The following PSME3IP1 variants were observed in gnomAD, a reference collection of about 807,000 sequenced individuals.
PSME3IP1 encodes the protein proteasome activator subunit 3 interacting protein 1.
In PSME3IP1, 13 loss-of-function variants were observed where a neutral mutation model predicts 34.1. That is an observed-to-expected ratio of 0.38 (90% CI 0.25 to 0.61). PSME3IP1 has a LOEUF of 0.61. Ranked by LOEUF, PSME3IP1 falls within the 20% of genes least tolerant of loss-of-function variation. The pLI, the probability that PSME3IP1 is intolerant of heterozygous loss-of-function variation, is 0.60. For missense variants in PSME3IP1, 237 were observed against 301.4 expected (o/e 0.79, Z 1.58); for synonymous variants, 93 against 114.3 (o/e 0.81, Z 1.19).
chr16:57,173,018 T>C (rs968816767), intron 2 of PSME3IP1, 144 bp from the exon 3 acceptor site: 2 of 609,974 alleles, frequency 3.3e-6, no homozygotes, highest in South Asian at 1.9e-5. Flanking sequence ...AACACAAAAA[T>C]AGTACAAAGT....
At chr16:57,163,887 G>A (rs2071553245) in intron 6 of PSME3IP1, 114 bp downstream of exon 6, 9 of 1,094,754 alleles carry the variant, frequency 8.2e-6, no homozygotes, top group Admixed American at 5.4e-5. Context: ...TTAAGCATAG[G>A]TAGGCTTGCT....
At chr16:57,165,830 T>C (rs778764574) in intron 5 of PSME3IP1, among the ~76,000 whole-genome samples, 60 of 152,144 alleles carry the variant, frequency 3.9e-4, no homozygotes, top group Non-Finnish European at 1.6e-4. Flanking sequence ...ACAGAGCCTT[T>C]TCTAAAGGTG....
intron 1 of PSME3IP1, chr16:57,174,330 G>T: frequency 2.0e-6 from 1 of 506,354 alleles, no homozygotes; most frequent in Non-Finnish European, 2.5e-6. Context: ...TTAATTTATA[G>T]GCCATTGATG....
At chr16:57,165,737 C>CT (rs1312704146) in intron 5 of PSME3IP1, among the ~76,000 whole-genome samples, 1 of 152,158 alleles carries the variant, frequency 6.6e-6, no homozygotes, top group Non-Finnish European at 1.5e-5. Context: ...CCCCAGGAGA[C>CT]TACCTTACTA....
chr16:57,163,135 A>G (rs1254235989), intron 6 of PSME3IP1, among the ~76,000 whole-genome samples: 1 of 152,190 alleles, frequency 6.6e-6, no homozygotes, highest in Non-Finnish European at 1.5e-5. Flanking sequence ...ACTGCACTCC[A>G]GCCTGGGTGA....
chr16:57,180,893 A>G (rs1597780509), intron 1 of PSME3IP1, among the ~76,000 whole-genome samples: 3 of 152,194 alleles, frequency 2.0e-5, no homozygotes, highest in Admixed American at 1.3e-4. Context: ...TCTCTCTACA[A>G]AAATATTTAA....
intron 6 of PSME3IP1, among the ~76,000 whole-genome samples, chr16:57,159,400 C>A (rs2070955314): frequency 6.6e-6 from 1 of 152,208 alleles, no homozygotes; most frequent in African/African-American, 2.4e-5. Context: ...CAAATTAACA[C>A]AGAAAATTAC....
At chr16:57,171,833 T>C (rs1277572216) in intron 4 of PSME3IP1, among the ~76,000 whole-genome samples, 2 of 152,238 alleles carry the variant, frequency 1.3e-5, no homozygotes, top group Admixed American at 6.5e-5. Context: ...AAGTCATCTT[T>C]GCTGCTTTCT....
At chr16:57,183,351 G>A (rs2073897314) in intron 1 of PSME3IP1, among the ~76,000 whole-genome samples, 1 of 150,514 alleles carries the variant, frequency 6.6e-6, no homozygotes, top group South Asian at 2.1e-4. Context: ...TTTTTTTTTT[G>A]AGATAGGGTC....
intron 1 of PSME3IP1, among the ~76,000 whole-genome samples, chr16:57,179,337 G>A (rs968244160): frequency 1.3e-5 from 2 of 152,110 alleles, no homozygotes; most frequent in African/African-American, 2.4e-5. Context: ...AATAAAGAAC[G>A]TGGTTTTCAA....
rs2074150132 is a variant in PSME3IP1 at position 57,186,015 on chromosome 16, G to A, written c.-210C>T. On this transcript the variant is annotated 5_prime_UTR_variant, in exon 1 of 7. Coordinates refer to ENST00000309137, the MANE Select transcript of PSME3IP1 (RefSeq NM_024946.4). ...TTTGTATTTCTTTTGACCCTTCAGGGCTTCCTGTTCCTCACCGCCACAATA... is the reference window on the plus strand; with the variant it reads ...TTTGTATTTCTTTTGACCCTTCAGGACTTCCTGTTCCTCACCGCCACAATA... 4.1e-6 allele frequency: 4 copies of A among 985,318 alleles called. No individual in the cohort carries two copies. Among genetic ancestry groups the A allele is most frequent in the Non-Finnish European group, 4.8e-6 (4 of 829,926 alleles). The allele number at this position is 985,318 out of a possible 1,614,324, so 61.0% of individuals were successfully genotyped here.
chr16:57,184,334 AG>A (rs2073975376), intron 1 of PSME3IP1, among the ~76,000 whole-genome samples: 1 of 152,246 alleles, frequency 6.6e-6, no homozygotes, highest in Non-Finnish European at 1.5e-5. Flanking sequence ...ACTAATCCAC[AG>A]ATTCAAGAAG....
intron 5 of PSME3IP1, 57 bp from the exon 6 acceptor site, chr16:57,164,122 G>A: frequency 6.6e-7 from 1 of 1,509,688 alleles, no homozygotes; most frequent in Non-Finnish European, 9.2e-7. Context: ...TCAAAGCTTA[G>A]GGAATCAGGA....
intron 1 of PSME3IP1, chr16:57,185,464 A>G (rs1157057902): frequency 1.0e-6 from 1 of 965,624 alleles, no homozygotes. Flanking sequence ...CAGACGCCGC[A>G]CATCCGAGTG....
rs2072703451 is a variant in PSME3IP1 at position 57,172,498 on chromosome 16, A to G, written c.227-126T>C. The G allele has an allele frequency of 2.8e-6, 3 of 1,055,522 alleles. No individual in the cohort carries two copies. In the Admixed American group the frequency reaches 8.0e-5, roughly 28 times the overall value. 65.4% of individuals were successfully genotyped at this position (1,055,522 alleles called of 1,614,324 possible). ...AAAAAAAAAAGAACTGGTAAATACC[A>G]TGGCGTTTGAATAGATAACAGGGCA... On this transcript the variant is annotated intron_variant, in intron 3 of 6. Coordinates refer to ENST00000309137, the MANE Select transcript of PSME3IP1 (RefSeq NM_024946.4).
rs1385275667 is a variant in PSME3IP1 at position 57,152,639 on chromosome 16, T to C, written c.*1651A>G. 6.6e-6 allele frequency: 1 copy of C among 152,634 alleles called. No individual in the cohort carries two copies. The highest frequency in any genetic ancestry group is 2.4e-5 in the African/African-American group (1 of 41,432). The allele number at this position is 152,634 out of a possible 1,614,324, so 9.5% of individuals were successfully genotyped here. On this transcript the variant is annotated 3_prime_UTR_variant, in exon 7 of 7. Transcript: ENST00000309137. ...TGTCCTGGCCTGCCTCCTGTAACAA[T>C]GTGAGGCTGTTTTGGGTACATGCTG...
chr16:57,175,966 T>C lies in PSME3IP1; in HGVS notation c.-15-2097A>G, dbSNP rs140262559. ...AGTTTAATGTAACAATAAGAGCGAA[T>C]TGTGAAAATTACTAGAAAGAAATGA... is the stretch of plus-strand genomic sequence containing the variant. On this transcript the variant is annotated intron_variant, in intron 1 of 6. Coordinates refer to ENST00000309137, the MANE Select transcript of PSME3IP1 (RefSeq NM_024946.4). Among the ~76,000 whole-genome samples, 7 of 152,326 alleles carry C rather than the reference T, an allele frequency of 4.6e-5. No homozygotes were observed. In the East Asian group the frequency reaches 9.6e-4, roughly 21 times the overall value.
intron 6 of PSME3IP1, among the ~76,000 whole-genome samples, chr16:57,162,310 T>A (rs1289217071): frequency 6.6e-6 from 1 of 152,224 alleles, no homozygotes; most frequent in Non-Finnish European, 1.5e-5. Context: ...TGATATAATG[T>A]CTGGAATTGT....
intron 6 of PSME3IP1, among the ~76,000 whole-genome samples, chr16:57,157,584 C>A (rs1274207837): frequency 6.6e-6 from 1 of 150,804 alleles, no homozygotes; most frequent in Non-Finnish European, 1.5e-5. Flanking sequence ...ACTCCACATT[C>A]TTTTGTCCCT....
Sources: gnomAD v4.1 joint callset for allele counts (sites outside exome capture counted in the v4.1 genomes callset) on GRCh38, gnomAD v4.1.1 for gene constraint, MANE v1.5 for transcripts, NCBI Gene and HGNC (gene_info 2026-07-23, HGNC 2026-07-21) for gene names.